MTUS2: variants seen among roughly 807,000 people sequenced by gnomAD.
MTUS2 encodes microtubule associated scaffold protein 2.
MTUS2 carries 40 observed loss-of-function variants against 114.1 expected under a neutral mutation model. The ratio of observed to expected loss-of-function variants is 0.35; its 90% confidence interval spans 0.27 to 0.46. The LOEUF is 0.46. MTUS2 is among the 20% of genes least tolerant of loss of function. MTUS2 has a pLI of 1.00. For missense variants in MTUS2, 1,679 were observed against 1,705.4 expected (o/e 0.98, Z 0.27); for synonymous variants, 688 against 672.0 (o/e 1.02, Z -0.37).
chr13:29,404,176 CAAA>C (rs33920912), intron 8 of MTUS2, among the ~76,000 whole-genome samples: 1 of 127,802 alleles, frequency 7.8e-6, no homozygotes, highest in Non-Finnish European at 1.6e-5. Context: ...TCCATCTCTA[CAAA>C]AAAAAAAAAA....
chr13:29,402,110 A>G (rs1370581880), intron 8 of MTUS2, among the ~76,000 whole-genome samples: 2 of 152,176 alleles, frequency 1.3e-5, no homozygotes, highest in African/African-American at 2.4e-5. Context: ...ATTTCTGGAT[A>G]TGAAGTCTGT....
At chr13:29,340,707 A>C (rs1285277895) in intron 7 of MTUS2, among the ~76,000 whole-genome samples, 1 of 152,110 alleles carries the variant, frequency 6.6e-6, no homozygotes, top group Non-Finnish European at 1.5e-5. Flanking sequence ...TATATGTATA[A>C]GTTCTTTAGT....
chr13:29,432,839 A>G (rs894780371), intron 8 of MTUS2, among the ~76,000 whole-genome samples: 3 of 152,220 alleles, frequency 2.0e-5, no homozygotes, highest in Non-Finnish European at 4.4e-5. Flanking sequence ...CTCAGAGGCT[A>G]GTCTTATTTA....
chr13:29,251,477 A>T (rs943374812), intron 5 of MTUS2, among the ~76,000 whole-genome samples: 4 of 152,170 alleles, frequency 2.6e-5, no homozygotes, highest in Admixed American at 1.3e-4. Flanking sequence ...AGTAGCACTA[A>T]GTACATTTAC....
chr13:28,945,343 G>A (rs928671911), intron 2 of MTUS2, among the ~76,000 whole-genome samples: 1 of 152,002 alleles, frequency 6.6e-6, no homozygotes, highest in Non-Finnish European at 1.5e-5. Flanking sequence ...CAACCCAGTA[G>A]TGTAGAGTAT....
intron 2 of MTUS2, among the ~76,000 whole-genome samples, chr13:29,006,221 G>A (rs4445745): frequency 0.44 from 66,535 of 151,988 alleles, 15,179 homozygotes; most frequent in East Asian, 0.68. Flanking sequence ...TGCTGCAAAA[G>A]TTTAGTTGTG....
intron 5 of MTUS2, among the ~76,000 whole-genome samples, chr13:29,161,168 A>G (rs953965973): frequency 6.6e-6 from 1 of 152,238 alleles, no homozygotes; most frequent in Non-Finnish European, 1.5e-5. Flanking sequence ...ACACACGTGC[A>G]TACACACAAA....
intron 2 of MTUS2, among the ~76,000 whole-genome samples, chr13:28,992,880 A>C (rs569436306): frequency 2.0e-5 from 3 of 152,196 alleles, no homozygotes; most frequent in South Asian, 4.2e-4. Context: ...CCGTTAAAAA[A>C]CTTTCCATCT....
chr13:29,176,650 T>C (rs1893785062), intron 5 of MTUS2, among the ~76,000 whole-genome samples: 1 of 152,222 alleles, frequency 6.6e-6, no homozygotes, highest in South Asian at 2.1e-4. Flanking sequence ...CCCAGGCCTC[T>C]TTTATAAGTT....
chr13:29,162,086 C>A (rs1261751205), intron 5 of MTUS2, among the ~76,000 whole-genome samples: 2 of 152,288 alleles, frequency 1.3e-5, no homozygotes, highest in African/African-American at 4.8e-5. Context: ...CAATCACTGC[C>A]TCTGTATTCA....
intron 2 of MTUS2, among the ~76,000 whole-genome samples, chr13:28,908,928 A>G (rs1283769425): frequency 6.6e-6 from 1 of 151,560 alleles, no homozygotes; most frequent in Non-Finnish European, 1.5e-5. Flanking sequence ...TTTTCCCAGC[A>G]CCATTTATTA....
At chr13:29,183,386 T>C (rs1894089219) in intron 5 of MTUS2, among the ~76,000 whole-genome samples, 1 of 151,798 alleles carries the variant, frequency 6.6e-6, no homozygotes, top group African/African-American at 2.4e-5. Flanking sequence ...GGAGATTCAT[T>C]TGGGGGTAGG....
intron 5 of MTUS2, among the ~76,000 whole-genome samples, chr13:29,230,053 T>G (rs1268315716): frequency 6.6e-6 from 1 of 152,144 alleles, no homozygotes; most frequent in African/African-American, 2.4e-5. Context: ...AAGATCATCC[T>G]GGCTAACACA....
intron 2 of MTUS2, among the ~76,000 whole-genome samples, chr13:28,904,393 C>T (rs1371364208): frequency 6.6e-6 from 1 of 152,142 alleles, no homozygotes; most frequent in Non-Finnish European, 1.5e-5. Context: ...TTAGGTCTAA[C>T]ATGTAAGTCT....
At chr13:29,163,213 T>C (rs112109759) in intron 5 of MTUS2, among the ~76,000 whole-genome samples, 12 of 152,136 alleles carry the variant, frequency 7.9e-5, no homozygotes, top group African/African-American at 2.4e-4. Context: ...CAACAAATCA[T>C]CAAATTTTTA....
chr13:29,215,437 G>A (rs1895636231), intron 5 of MTUS2, among the ~76,000 whole-genome samples: 1 of 148,856 alleles, frequency 6.7e-6, no homozygotes, highest in Non-Finnish European at 1.5e-5. Context: ...TGGAGAAGAG[G>A]TGTTCTGGTT....
At chr13:29,230,022 G>A (rs112891430) in intron 5 of MTUS2, among the ~76,000 whole-genome samples, 167 of 152,228 alleles carry the variant, frequency 1.1e-3, no homozygotes, top group African/African-American at 3.6e-3. Context: ...CGAGGCAGGC[G>A]GATCACGAGG....
chr13:29,001,675 C>T (rs944015704), intron 2 of MTUS2, among the ~76,000 whole-genome samples: 1 of 152,142 alleles, frequency 6.6e-6, no homozygotes, highest in Non-Finnish European at 1.5e-5. Context: ...ATGTCCATAT[C>T]CCAGTCCCTG....
chr13:28,833,384 A>G (rs1490691166), intron 1 of MTUS2, among the ~76,000 whole-genome samples: 1 of 152,138 alleles, frequency 6.6e-6, no homozygotes, highest in Non-Finnish European at 1.5e-5. Flanking sequence ...GATTTATCTG[A>G]GGAAGGCAAC....
Sources: allele counts gnomAD v4.1 joint callset (sites outside exome capture counted in the v4.1 genomes callset), GRCh38; gene constraint gnomAD v4.1.1; transcripts MANE v1.5; gene names NCBI Gene and HGNC (gene_info 2026-07-23, HGNC 2026-07-21).